The following EXT2 variants were observed in gnomAD, a reference collection of about 807,000 sequenced individuals.
EXT2 encodes the protein exostosin glycosyltransferase 2.
In EXT2, 53 loss-of-function variants were observed where a neutral mutation model predicts 81.6. That is an observed-to-expected ratio of 0.65 (90% confidence interval 0.52 to 0.82). EXT2 has a LOEUF of 0.82. Ranked by LOEUF, EXT2 falls within the 40% of genes least tolerant of loss-of-function variation. The pLI is 0.00. For missense variants in EXT2, 774 were observed against 910.2 expected, an observed-to-expected ratio of 0.85 and a Z score of 1.93; for synonymous variants, 320 against 340.0, an observed-to-expected ratio of 0.94 and a Z score of 0.65.
chr11:44,099,475 G>A (rs1382421968), intron 1 of EXT2, among the ~76,000 whole-genome samples: 1 of 152,044 alleles, frequency 6.6e-6, no homozygotes, highest in African/African-American at 2.4e-5. Context: ...GTGAGCCACT[G>A]TGCCTGGCTT....
intron 7 of EXT2, among the ~76,000 whole-genome samples, chr11:44,155,552 T>C (rs1431059014): frequency 6.6e-6 from 1 of 152,156 alleles, no homozygotes; most frequent in Non-Finnish European, 1.5e-5. Context: ...TATAATCCAT[T>C]ATTTTAAACT....
intron 5 of EXT2, 130 bp from the exon 6 acceptor site, chr11:44,126,686 C>A: frequency 8.9e-7 from 1 of 1,118,638 alleles, no homozygotes; most frequent in Non-Finnish European, 1.4e-6. Flanking sequence ...TGTCTTTTGG[C>A]ATTTTTGTGT....
rs1955290160 is a variant in EXT2 at position 44,184,939 on chromosome 11, T to TCAAAACAAAATGTTG, written c.1306-12881_1306-12867dup. On this transcript the variant is annotated intron_variant, in intron 8 of 13. Transcript: ENST00000533608. ...CATATTTTGGTACAGTGCTTGATGT[T>TCAAAACAAAATGTTG]CAAAACAAAATGTTGCAAAACAATA... Among the ~76,000 whole-genome samples the TCAAAACAAAATGTTG allele has an allele frequency of 3.9e-5, 6 of 152,274 alleles. No homozygotes were observed. The Middle Eastern group carries it at 0.014, about 345-fold the overall frequency.
rs77427765 is a variant in EXT2, at chr11:44,250,781, T to C, written c.*6494T>C. Among the ~76,000 whole-genome samples, 1,078 of 152,340 alleles carry C rather than the reference T, an allele frequency of 7.1e-3. 12 individuals are homozygous for C. The highest frequency in any genetic ancestry group is 0.025 in the African/African-American group (1,041 of 41,570). The stretch of plus-strand genomic sequence containing the variant: ...TTTGGAGTCCTCTCCCTGTGTTTTC[T>C]ATGTGGCTTAATTTCAATAGAAAGG... On this transcript the variant is annotated 3_prime_UTR_variant, in exon 14 of 14. Coordinates refer to ENST00000533608, the MANE Select transcript of EXT2 (RefSeq NM_207122.2).
At chr11:44,195,173 A>C (rs1955440179) in intron 8 of EXT2, among the ~76,000 whole-genome samples, 1 of 152,100 alleles carries the variant, frequency 6.6e-6, no homozygotes, top group African/African-American at 2.4e-5. Context: ...GGTGGCTCAC[A>C]CCTGTAATCC....
intron 1 of EXT2, among the ~76,000 whole-genome samples, chr11:44,100,892 A>T (rs1163379943): frequency 6.6e-6 from 1 of 151,742 alleles, no homozygotes; most frequent in Non-Finnish European, 1.5e-5. Flanking sequence ...AGAGGTATGC[A>T]CCTCTCTGAT....
chr11:44,235,394 G>A (rs1955950856), intron 12 of EXT2, among the ~76,000 whole-genome samples: 1 of 151,584 alleles, frequency 6.6e-6, no homozygotes, highest in African/African-American at 2.4e-5. Flanking sequence ...GGTGCACGCC[G>A]CCATGTCCGG....
chr11:44,223,101 C>G (rs931646549), intron 10 of EXT2, among the ~76,000 whole-genome samples: 1 of 152,102 alleles, frequency 6.6e-6, no homozygotes, highest in Non-Finnish European at 1.5e-5. Context: ...ATAAGAATGG[C>G]TAAAGTTAAC....
chr11:44,185,639 C>T (rs1219391273), intron 8 of EXT2, among the ~76,000 whole-genome samples: 2 of 152,164 alleles, frequency 1.3e-5, no homozygotes, highest in South Asian at 2.1e-4. Context: ...CTTCTTTCCA[C>T]TCTGTATCAA....
chr11:44,124,823 G>C lies in EXT2; in HGVS notation c.778G>C (p.Gly260Arg). 6.2e-7 allele frequency: 1 copy of C among 1,613,948 alleles called. No individual in the cohort carries two copies. The highest frequency in any genetic ancestry group is 8.5e-7 in the Non-Finnish European group (1 of 1,180,002). ...ATACTTCCTCCTGTCATCTCAGGTG[G>C]GTCTCCATCCTGAGTACAGAGAGGA... ...RQYFLLSSQV[G>R]LHPEYREDLE... The change falls in exon 5 of 14, where the codon GGT (glycine) becomes CGT (arginine). Residue 260 changes from glycine (G) to arginine (R), a missense_variant. Physicochemically the swap from Gly to Arg is moderately radical, Grantham distance 125. This residue lies in a region of EXT2 where 626 missense variants were observed against 670.5 expected (regional missense o/e 0.93). Coordinates refer to ENST00000533608, the MANE Select transcript of EXT2 (RefSeq NM_207122.2).
At position 44,114,298 on chromosome 11, in the gene EXT2, C is replaced by G. The variant is rs372237191; in HGVS notation, c.740C>G (p.Pro247Arg). 7.4e-6 allele frequency: 12 copies of G among 1,612,490 alleles called. No individual in the cohort carries two copies. In the Admixed American group the frequency reaches 2.0e-4, roughly 27 times the overall value. Residue 247 changes from proline (P) to arginine (R), a missense_variant, in exon 4 of 14, where the codon CCA becomes CGA. This residue lies in a region of EXT2 where 626 missense variants were observed against 670.5 expected (regional missense o/e 0.93). Coordinates refer to ENST00000533608, the MANE Select transcript of EXT2 (RefSeq NM_207122.2). ...SAEVDLPEKGPGPRQYFLLSS... is the reference protein window; with the variant it reads ...SAEVDLPEKGRGPRQYFLLSS... ...GAGGTGGATCTTCCAGAGAAAGGAC[C>G]AGGGTAAGGTACATTCATCCCAGCC...
At position 44,109,271 on chromosome 11, in the gene EXT2, T is replaced by C. The variant is rs1375161394; in HGVS notation, c.614T>C (p.Val205Ala). Residue 205 changes from valine (V) to alanine (A), a missense_variant, in exon 3 of 14, where the codon GTC becomes GCC. By Grantham distance (64) the Val-to-Ala change is moderately conservative. Coordinates refer to ENST00000533608, the MANE Select transcript of EXT2 (RefSeq NM_207122.2). ...GPPDYNTALD[V>A]PRDRALLAGG... ...CCAGATTATAACACAGCCCTGGATGTCCCCAGAGACAGGTAGGAGGCATAT... is the reference window on the plus strand; with the variant it reads ...CCAGATTATAACACAGCCCTGGATGCCCCCAGAGACAGGTAGGAGGCATAT... 1 of 1,614,092 alleles carries C rather than the reference T, an allele frequency of 6.2e-7. No homozygotes were observed. The highest frequency in any genetic ancestry group is 1.7e-5 in the Admixed American group (1 of 60,020).
intron 10 of EXT2, among the ~76,000 whole-genome samples, chr11:44,209,851 C>G (rs1368920032): frequency 6.6e-6 from 1 of 151,928 alleles, no homozygotes; most frequent in Admixed American, 6.6e-5. Flanking sequence ...TCTTTTTTTC[C>G]TTCTAGAATG....
chr11:44,121,401 A>G (rs1954314434), intron 4 of EXT2, among the ~76,000 whole-genome samples: 5 of 152,310 alleles, frequency 3.3e-5, no homozygotes, highest in Admixed American at 2.6e-4. Context: ...ATTGAAAACC[A>G]TGCATTCATC....
intron 8 of EXT2, among the ~76,000 whole-genome samples, chr11:44,194,510 G>A (rs985059483): frequency 1.3e-5 from 2 of 152,144 alleles, no homozygotes; most frequent in Non-Finnish European, 2.9e-5. Flanking sequence ...CATAGGGAAG[G>A]GCTGTGAACC....
intron 8 of EXT2, among the ~76,000 whole-genome samples, chr11:44,183,274 G>A (rs886601893): frequency 6.6e-6 from 1 of 152,160 alleles, no homozygotes; most frequent in African/African-American, 2.4e-5. Flanking sequence ...TTGAGACTAT[G>A]TGAATATCCT....
At chr11:44,097,453 T>G (rs1953914841) in intron 1 of EXT2, among the ~76,000 whole-genome samples, 1 of 152,180 alleles carries the variant, frequency 6.6e-6, no homozygotes, top group Non-Finnish European at 1.5e-5. Context: ...AGATCCAGTG[T>G]GGCAGTGGCC....
intron 8 of EXT2, among the ~76,000 whole-genome samples, chr11:44,196,142 T>C (rs1955453023): frequency 6.6e-6 from 1 of 152,222 alleles, no homozygotes; most frequent in Admixed American, 6.5e-5. Flanking sequence ...TTCATCACTT[T>C]TTAAACTTTA....
chr11:44,131,341 T>G (rs1444325558), intron 7 of EXT2, among the ~76,000 whole-genome samples: 1 of 152,216 alleles, frequency 6.6e-6, no homozygotes, highest in East Asian at 1.9e-4. Flanking sequence ...TTTATTATGA[T>G]AGTGAACTTC....
Sources: gnomAD v4.1 joint callset for allele counts (sites outside exome capture counted in the v4.1 genomes callset) on GRCh38, gnomAD v4.1.1 for gene constraint, gnomAD v4.1.1 regional missense constraint, MANE v1.5 for transcripts, NCBI Gene and HGNC (gene_info 2026-07-23, HGNC 2026-07-21) for gene names.